The following GRM5 variants were observed in gnomAD, a reference collection of about 807,000 sequenced individuals.
The protein encoded by GRM5 is metabotropic glutamate receptor 5.
In GRM5, 19 loss-of-function variants were observed where a neutral mutation model predicts 83.1. The ratio of observed to expected loss-of-function variants is 0.23; its 90% CI spans 0.16 to 0.34. The LOEUF (loss-of-function observed/expected upper bound fraction) is 0.34. Among genes scored for constraint, GRM5 ranks in the 10% least tolerant of loss-of-function variants. The pLI, the probability that GRM5 is intolerant of heterozygous loss-of-function variation, is 1.00. For synonymous variants in GRM5, 675 were observed against 633.6 expected (o/e 1.07, Z -0.98); for missense variants, 1,160 against 1,588.3 (o/e 0.73, Z 4.58).
chr11:88,795,895 G>T lies in GRM5; in HGVS notation c.911+54011C>A, dbSNP rs75369012. ...AGGAGAGCCCTGGAGAGACATTTTA[G>T]AAGCTTTCTTGATAAAAAAAGAAAA... On this transcript the variant is annotated intron_variant, in intron 3 of 9. Transcript: ENST00000305447. Among the ~76,000 whole-genome samples, 238 of 152,238 alleles carry T rather than the reference G, an allele frequency of 1.6e-3. 1 individual carries two copies. Among genetic ancestry groups the T allele is most frequent in the African/African-American group, 5.3e-3 (222 of 41,544 alleles).
chr11:88,951,835 GTGTA>G (rs1259276890), intron 2 of GRM5, among the ~76,000 whole-genome samples: 3 of 152,182 alleles, frequency 2.0e-5, no homozygotes, highest in Non-Finnish European at 4.4e-5. Flanking sequence ...CTGTTTGCAT[GTGTA>G]TGTATGTGTG....
intron 2 of GRM5, among the ~76,000 whole-genome samples, chr11:88,863,918 C>T (rs1294255218): frequency 2.6e-5 from 4 of 151,478 alleles, no homozygotes; most frequent in African/African-American, 9.7e-5. Context: ...TACTCCATGA[C>T]TTTGAAGGGA....
intron 3 of GRM5, among the ~76,000 whole-genome samples, chr11:88,731,425 T>C (rs894484133): frequency 1.3e-5 from 2 of 152,098 alleles, no homozygotes; most frequent in Non-Finnish European, 2.9e-5. Context: ...TCAAGAAGCC[T>C]TCTTTGAACA....
chr11:88,678,062 A>T lies in GRM5; in HGVS notation c.912-24659T>A, dbSNP rs1031646392. 1.2e-3 allele frequency among the ~76,000 whole-genome samples: 172 copies of T among 146,932 alleles called. 3 individuals are homozygous for T. Among genetic ancestry groups the T allele is most frequent in the African/African-American group, 3.9e-3 (157 of 40,276 alleles). On this transcript the variant is annotated intron_variant, in intron 3 of 9. Transcript: ENST00000305447. ...ATTTTTATTCATTTTTAATTTCTGAATTTTTTTTTTTTTAGAGACAGTGTC... is the reference window on the plus strand; with the variant it reads ...ATTTTTATTCATTTTTAATTTCTGATTTTTTTTTTTTTTAGAGACAGTGTC...
At chr11:88,865,802 A>G (rs1348553923) in intron 2 of GRM5, among the ~76,000 whole-genome samples, 2 of 152,188 alleles carry the variant, frequency 1.3e-5, no homozygotes, top group African/African-American at 4.8e-5. Context: ...CAAACATATG[A>G]AAAAAACTCA....
At chr11:88,983,454 C>T (rs975251194) in intron 2 of GRM5, among the ~76,000 whole-genome samples, 7 of 152,164 alleles carry the variant, frequency 4.6e-5, no homozygotes, top group Admixed American at 2.0e-4. Context: ...CCGAAACATT[C>T]GTATTGCCTA....
chr11:88,614,300 A>G (rs1165749748), intron 4 of GRM5, among the ~76,000 whole-genome samples: 6 of 152,198 alleles, frequency 3.9e-5, no homozygotes, highest in African/African-American at 1.4e-4. Flanking sequence ...TACAAGGATA[A>G]TATGAGAATT....
intron 4 of GRM5, among the ~76,000 whole-genome samples, chr11:88,614,103 A>G (rs1938404132): frequency 6.6e-6 from 1 of 152,162 alleles, no homozygotes; most frequent in Admixed American, 6.6e-5. Context: ...GTTCAGCAGT[A>G]CATGTTTTTC....
intron 3 of GRM5, among the ~76,000 whole-genome samples, chr11:88,838,049 C>A (rs1197899075): frequency 8.1e-6 from 1 of 123,326 alleles, no homozygotes. Flanking sequence ...CGCGCCACTG[C>A]ACTCCAGCCT....
intron 3 of GRM5, among the ~76,000 whole-genome samples, chr11:88,704,349 G>T (rs1941104349): frequency 6.6e-6 from 1 of 151,846 alleles, no homozygotes; most frequent in African/African-American, 2.4e-5. Context: ...TAAGAAACAG[G>T]GCCTGATTTT....
intron 2 of GRM5, among the ~76,000 whole-genome samples, chr11:89,042,648 A>G (rs1442308878): frequency 6.6e-6 from 1 of 152,180 alleles, no homozygotes; most frequent in African/African-American, 2.4e-5. Context: ...CCACAGTACC[A>G]TTTATTATTT....
intron 3 of GRM5, among the ~76,000 whole-genome samples, chr11:88,678,244 T>C (rs1940387141): frequency 6.6e-6 from 1 of 151,946 alleles, no homozygotes; most frequent in African/African-American, 2.4e-5. Flanking sequence ...TTTTTTGTAA[T>C]GATGGGGTCT....
intron 2 of GRM5, among the ~76,000 whole-genome samples, chr11:89,011,662 C>T (rs1655830822): frequency 1.3e-5 from 2 of 152,154 alleles, no homozygotes; most frequent in African/African-American, 4.8e-5. Flanking sequence ...CTTGATAAGG[C>T]ATAAAAATTG....
In GRM5 at chr11:88,905,336, C is replaced by T. The variant is rs944003173; in HGVS notation, c.662-55181G>A. Among the ~76,000 whole-genome samples the T allele has an allele frequency of 1.1e-4, 17 of 152,184 alleles. No individual in the cohort carries two copies. In the East Asian group the frequency reaches 2.9e-3, roughly 26 times the overall value. Reference sequence around the variant, plus strand: ...TTTATTATTTATTTATTCATTAATTCATTCATTTATTCATTTACTTATTTT... The same window carrying T: ...TTTATTATTTATTTATTCATTAATTTATTCATTTATTCATTTACTTATTTT... On this transcript the variant is annotated intron_variant, in intron 2 of 9. Coordinates refer to ENST00000305447, the MANE Select transcript of GRM5 (RefSeq NM_001143831.3).
intron 3 of GRM5, among the ~76,000 whole-genome samples, chr11:88,679,958 G>C (rs1940436092): frequency 6.6e-6 from 1 of 151,982 alleles, no homozygotes; most frequent in Non-Finnish European, 1.5e-5. Context: ...AAACGCCTGA[G>C]AGTTGAAACA....
intron 2 of GRM5, among the ~76,000 whole-genome samples, chr11:89,001,535 C>G (rs1940379916): frequency 6.6e-6 from 1 of 152,012 alleles, no homozygotes; most frequent in African/African-American, 2.4e-5. Flanking sequence ...TAGTGGTTGT[C>G]AGGGGTCAGG....
At chr11:88,994,666 AT>A (rs1256640404) in intron 2 of GRM5, among the ~76,000 whole-genome samples, 2 of 147,662 alleles carry the variant, frequency 1.4e-5, no homozygotes, top group African/African-American at 2.5e-5. Flanking sequence ...GATGATTTGG[AT>A]TTAACTCAGA....
At chr11:88,842,431 A>G (rs571197888) in intron 3 of GRM5, among the ~76,000 whole-genome samples, 2 of 152,304 alleles carry the variant, frequency 1.3e-5, no homozygotes, top group African/African-American at 2.4e-5. Flanking sequence ...TTTACTCACC[A>G]TCTACTCACT....
intron 2 of GRM5, among the ~76,000 whole-genome samples, chr11:89,041,452 A>G (rs1941532659): frequency 6.6e-6 from 1 of 152,246 alleles, no homozygotes; most frequent in Admixed American, 6.5e-5. Flanking sequence ...AGTCTCTTAT[A>G]GGTGAGCCAG....
Sources: gnomAD v4.1 joint callset for allele counts (sites outside exome capture counted in the v4.1 genomes callset) on GRCh38, gnomAD v4.1.1 for gene constraint, MANE v1.5 for transcripts, NCBI Gene and HGNC (gene_info 2026-07-23, HGNC 2026-07-21) for gene names.